The following DOCK8 variants were observed in gnomAD, a reference collection of about 807,000 sequenced individuals.
The protein encoded by DOCK8 is dedicator of cytokinesis protein 8.
A neutral mutation model predicts 245.6 loss-of-function variants in DOCK8; 141 were observed. The ratio of observed to expected loss-of-function variants is 0.57; its 90% confidence interval spans 0.50 to 0.66. The LOEUF (loss-of-function observed/expected upper bound fraction) is 0.66, where lower values mean the gene tolerates loss of function less well. DOCK8 is among the 30% of genes least tolerant of loss of function. DOCK8 has a pLI of 0.00. For missense variants in DOCK8, 2,965 were observed against 2,603.4 expected (o/e 1.14, Z -3.02); for synonymous variants, 1,168 against 970.2 (o/e 1.20, Z -3.79).
At chr9:296,952 C>G (rs910600419) in intron 4 of DOCK8, among the ~76,000 whole-genome samples, 1 of 152,094 alleles carries the variant, frequency 6.6e-6, no homozygotes, top group Admixed American at 6.6e-5. Flanking sequence ...TTTTCCATGC[C>G]AGGCAGTCCA....
At chr9:421,412 C>T (rs1042235458) in intron 32 of DOCK8, among the ~76,000 whole-genome samples, 1 of 152,086 alleles carries the variant, frequency 6.6e-6, no homozygotes, top group Non-Finnish European at 1.5e-5. Flanking sequence ...TTCTATGTGA[C>T]CTTTGGCTAG....
intron 1 of DOCK8, among the ~76,000 whole-genome samples, chr9:256,016 A>C (rs984300050): frequency 3.9e-5 from 6 of 152,220 alleles, no homozygotes; most frequent in African/African-American, 1.4e-4. Flanking sequence ...AGTCTCATTT[A>C]TTAAGAAGTG....
chr9:436,047 C>T (rs886869246), intron 39 of DOCK8, among the ~76,000 whole-genome samples: 71 of 152,274 alleles, frequency 4.7e-4, no homozygotes, highest in African/African-American at 1.6e-3. Flanking sequence ...GTTGTATGAA[C>T]CAGAAAGAAA....
chr9:341,678 T>A (rs1414504787), intron 14 of DOCK8, among the ~76,000 whole-genome samples: 1 of 152,190 alleles, frequency 6.6e-6, no homozygotes, highest in Non-Finnish European at 1.5e-5. Flanking sequence ...TCATTTAAAA[T>A]GTACGCAAAT....
rs765210589 is a variant in DOCK8 at position 441,433 on chromosome 9, G to A, written c.5355+16G>A. On this transcript the variant is annotated intron_variant, in intron 41 of 47. Coordinates refer to ENST00000432829, the MANE Select transcript of DOCK8 (RefSeq NM_203447.4). The stretch of plus-strand genomic sequence containing the variant: ...CGTTAACAAGGTAGCCGGGGAGCCT[G>A]GCTGGCAGGTCTTGTTACCTGGTGG... 6.2e-7 allele frequency: 1 copy of A among 1,614,008 alleles called. No homozygotes were observed. The highest frequency in any genetic ancestry group is 1.3e-5 in the African/African-American group (1 of 74,924).
intron 14 of DOCK8, chr9:365,895 A>G (rs953873717): frequency 9.3e-6 from 3 of 323,448 alleles, no homozygotes; most frequent in Non-Finnish European, 1.8e-5. Context: ...TTCCATCATC[A>G]TTTACTATAT....
chr9:289,830 A>T (rs143187462), intron 4 of DOCK8, among the ~76,000 whole-genome samples: 9 of 152,348 alleles, frequency 5.9e-5, no homozygotes, highest in Non-Finnish European at 1.2e-4. Flanking sequence ...GTTATTAACT[A>T]AAGACCATAG....
At chr9:393,015 G>T (rs888147888) in intron 24 of DOCK8, among the ~76,000 whole-genome samples, 9 of 137,774 alleles carry the variant, frequency 6.5e-5, no homozygotes, top group Non-Finnish European at 1.2e-4. Context: ...GAGCCTAGGA[G>T]TTCAAGGCTG....
At position 214,943 on chromosome 9, in the gene DOCK8, G is replaced by T. The variant is rs777606790; in HGVS notation, c.-34G>T. On this transcript the variant is annotated 5_prime_UTR_variant, in exon 1 of 48. Transcript: ENST00000432829. ...GCCAGGCCCCCGCTTTCCGCACCCC[G>T]CGACCCTAGAAGCCACCGAACCGCC... 1.2e-6 allele frequency: 2 copies of T among 1,604,278 alleles called. No homozygotes were observed. The highest frequency in any genetic ancestry group is 1.7e-6 in the Non-Finnish European group (2 of 1,177,190).
At chr9:220,473 C>T (rs977963921) in intron 1 of DOCK8, among the ~76,000 whole-genome samples, 1 of 152,156 alleles carries the variant, frequency 6.6e-6, no homozygotes, top group Non-Finnish European at 1.5e-5. Context: ...CATCTCAACT[C>T]CCCATAAAGG....
intron 14 of DOCK8, among the ~76,000 whole-genome samples, chr9:366,934 C>T (rs781101214): frequency 5.9e-5 from 9 of 152,106 alleles, no homozygotes; most frequent in Non-Finnish European, 1.2e-4. Context: ...TATCAGGGCT[C>T]TTATCTGAGA....
chr9:307,246 A>G (rs1157966248), intron 5 of DOCK8, among the ~76,000 whole-genome samples: 1 of 151,144 alleles, frequency 6.6e-6, no homozygotes, highest in Non-Finnish European at 1.5e-5. Context: ...CCCAGAAACA[A>G]TAGGTGAAGA....
At chr9:319,045 C>T (rs934476620) in intron 7 of DOCK8, among the ~76,000 whole-genome samples, 1 of 152,076 alleles carries the variant, frequency 6.6e-6, no homozygotes, top group African/African-American at 2.4e-5. Flanking sequence ...ACCTGTAATC[C>T]CAACACTTTG....
chr9:400,393 ACCACCT>A (rs2054856941), intron 26 of DOCK8, among the ~76,000 whole-genome samples: 1 of 64,048 alleles, frequency 1.6e-5, no homozygotes, highest in Non-Finnish European at 2.9e-5. Context: ...CACCATCACC[ACCACCT>A]CCACCATCAC....
chr9:268,280 G>A (rs1474951229), intron 1 of DOCK8: 2 of 152,184 alleles, frequency 1.3e-5, no homozygotes, highest in Non-Finnish European at 2.9e-5. Context: ...GATTCTGTAG[G>A]GAGAGAAAAT....
intron 2 of DOCK8, among the ~76,000 whole-genome samples, chr9:274,002 G>T (rs1008395453): frequency 2.0e-5 from 3 of 152,000 alleles, no homozygotes; most frequent in Non-Finnish European, 4.4e-5. Flanking sequence ...CACCATGCCC[G>T]GCCACCAGCT....
chr9:312,341 A>G (rs768709046), intron 6 of DOCK8, 175 bp downstream of exon 6: 11 of 748,230 alleles, frequency 1.5e-5, no homozygotes, highest in Non-Finnish European at 2.3e-5. Flanking sequence ...CAGAGCCATT[A>G]TTGATTATCA....
At chr9:376,042 T>C (rs906626735) in intron 18 of DOCK8, among the ~76,000 whole-genome samples, 168 bp from the exon 19 acceptor site, 4 of 152,162 alleles carry the variant, frequency 2.6e-5, no homozygotes, top group African/African-American at 9.7e-5. Context: ...TGGTGTAGAA[T>C]TGAAGTTGAA....
intron 14 of DOCK8, among the ~76,000 whole-genome samples, chr9:354,303 G>A (rs951667837): frequency 2.6e-5 from 4 of 152,202 alleles, no homozygotes; most frequent in Admixed American, 6.5e-5. Context: ...TTCCACTCCA[G>A]CCTGGGAAGA....
Sources: allele counts gnomAD v4.1 joint callset (sites outside exome capture counted in the v4.1 genomes callset), GRCh38; gene constraint gnomAD v4.1.1; transcripts MANE v1.5; gene names NCBI Gene and HGNC (gene_info 2026-07-23, HGNC 2026-07-21).